Variants in KIF13B observed in about 807,000 individuals in gnomAD.
The protein encoded by KIF13B is kinesin family member 13B, also known as kinesin-like protein KIF13B.
A neutral mutation model predicts 222.0 loss-of-function variants in KIF13B; 127 were observed. That is an observed-to-expected ratio of 0.57 (90% confidence interval 0.50 to 0.66). The LOEUF is 0.66. Ranked by LOEUF, KIF13B falls within the 30% of genes least tolerant of loss-of-function variation. KIF13B has a pLI of 0.00. For synonymous variants in KIF13B, 976 were observed against 919.0 expected, an observed-to-expected ratio of 1.06 and a Z score of -1.12; for missense variants, 2,173 against 2,379.0, an observed-to-expected ratio of 0.91 and a Z score of 1.80.
intron 2 of KIF13B, among the ~76,000 whole-genome samples, chr8:29,198,602 C>T (rs944488943): frequency 1.3e-5 from 2 of 152,154 alleles, no homozygotes; most frequent in South Asian, 4.1e-4. Flanking sequence ...GGATTGCAGG[C>T]ATCAGCCACG....
intron 2 of KIF13B, among the ~76,000 whole-genome samples, chr8:29,231,716 A>C (rs541010940): frequency 1.3e-5 from 2 of 152,320 alleles, no homozygotes; most frequent in African/African-American, 4.8e-5. Flanking sequence ...TCACAGGTAA[A>C]ATTTATTTTT....
intron 1 of KIF13B, among the ~76,000 whole-genome samples, chr8:29,248,702 G>A (rs1816148989): frequency 6.6e-6 from 1 of 152,184 alleles, no homozygotes; most frequent in African/African-American, 2.4e-5. Context: ...GGATTTGGGT[G>A]GGGACACAGC....
At chr8:29,196,075 C>T in intron 3 of KIF13B, 112 bp downstream of exon 3, 2 of 958,884 alleles carry the variant, frequency 2.1e-6, no homozygotes. Flanking sequence ...GCTTGCATTA[C>T]TTGTACAAAA....
Position 29,190,969 on chromosome 8 carries a change from T to G in KIF13B, c.223+28A>C, listed in dbSNP as rs377717994. 8.9e-6 allele frequency: 14 copies of G among 1,569,108 alleles called. No homozygotes were observed. The African/African-American group carries it at 1.9e-4, about 21-fold the overall frequency. On this transcript the variant is annotated intron_variant, in intron 4 of 39. Transcript: ENST00000524189. ...CTGAACCCCTCTTCTACACCATCAG[T>G]AGTTGACAGGATGCTGGATTCTATT... is the stretch of plus-strand genomic sequence containing the variant.
intron 10 of KIF13B, among the ~76,000 whole-genome samples, chr8:29,168,940 A>G (rs569848638): frequency 2.7e-4 from 41 of 152,340 alleles, no homozygotes; most frequent in Admixed American, 1.2e-3. Flanking sequence ...GAGACAAATC[A>G]TCGAAGCAAA....
Position 29,071,651 on chromosome 8 carries a change from C to T in KIF13B, c.5187G>A (p.Thr1729=). Residue 1729 remains threonine, a synonymous_variant, in exon 39 of 40, where the codon ACG becomes ACA. Coordinates refer to ENST00000524189, the MANE Select transcript of KIF13B (RefSeq NM_015254.4). This position sits in a 1 kb window ranked among gnomAD's most constrained non-coding sequence, Gnocchi z 4.9. ...GCAGGTCGAGCTCCACGCCGACCCACGTGCCCTCTTGGAAGTCGGCAGGCC... is the reference window on the plus strand; with the variant it reads ...GCAGGTCGAGCTCCACGCCGACCCATGTGCCCTCTTGGAAGTCGGCAGGCC... ...YVGPADFQEG[T]WVGVELDLPS... The T allele has an allele frequency of 1.1e-5, 17 of 1,555,228 alleles. No homozygotes were observed. Among genetic ancestry groups the T allele is most frequent in the East Asian group, 4.9e-5 (2 of 41,078 alleles).
chr8:29,116,648 G>A (rs768648461), intron 31 of KIF13B, among the ~76,000 whole-genome samples, 183 bp downstream of exon 31: 2 of 152,172 alleles, frequency 1.3e-5, no homozygotes, highest in Non-Finnish European at 2.9e-5. Context: ...ATACTGTCCA[G>A]GAGCAAGTGA....
chr8:29,141,438 T>C (rs1325077137), intron 19 of KIF13B, among the ~76,000 whole-genome samples: 3 of 152,270 alleles, frequency 2.0e-5, no homozygotes, highest in Non-Finnish European at 2.9e-5. Context: ...GAGACAAACA[T>C]GTTTTAAGCA....
chr8:29,142,544 T>G (rs1048204700), intron 18 of KIF13B, among the ~76,000 whole-genome samples: 4 of 152,068 alleles, frequency 2.6e-5, no homozygotes, highest in African/African-American at 9.7e-5. Flanking sequence ...CATTAAAAAT[T>G]TTTTGGGGGG....
chr8:29,071,933 G>T lies in KIF13B; in HGVS notation c.4905C>A (p.Pro1635=). Residue 1635 remains proline (P), a synonymous_variant, in exon 39 of 40, where the codon CCC becomes CCA. Transcript: ENST00000524189. This position sits in a 1 kb window ranked among gnomAD's most constrained non-coding sequence, Gnocchi z 4.9. ...QQLVSPGRER[P]DLEAPAPGSP... ...AGCCGGGCGCCGGGGCCTCGAGGTCGGGGCGCTCCCGACCGGGGCTCACGA... is the reference window on the plus strand; with the variant it reads ...AGCCGGGCGCCGGGGCCTCGAGGTCTGGGCGCTCCCGACCGGGGCTCACGA... 7.1e-7 allele frequency: 1 copy of T among 1,410,266 alleles called. No individual in the cohort carries two copies. 87.4% of individuals were successfully genotyped at this position (1,410,266 alleles called of 1,614,324 possible). A position where few individuals can be genotyped will look rare whatever the true frequency, so the allele number is the denominator to read the frequency against.
intron 32 of KIF13B, among the ~76,000 whole-genome samples, chr8:29,111,845 A>G (rs921752289): frequency 1.2e-4 from 18 of 152,254 alleles, no homozygotes; most frequent in Non-Finnish European, 2.4e-4. Context: ...AGTAAACAGT[A>G]AGTCTCTAGC....
chr8:29,099,317 G>GA (rs1445527421), intron 35 of KIF13B, 76 bp from the exon 36 acceptor site: 84 of 943,554 alleles, frequency 8.9e-5, no homozygotes, highest in Middle Eastern at 2.2e-4. Context: ...AGATACTCAA[G>GA]AAAAAAAACT....
At chr8:29,162,635 A>G (rs974133154) in intron 12 of KIF13B, among the ~76,000 whole-genome samples, 2 of 152,246 alleles carry the variant, frequency 1.3e-5, no homozygotes, top group African/African-American at 2.4e-5. Flanking sequence ...TTGAGATTCT[A>G]TAATGGTAAA....
intron 37 of KIF13B, among the ~76,000 whole-genome samples, chr8:29,080,803 C>A (rs1288681574): frequency 6.6e-6 from 1 of 152,168 alleles, no homozygotes; most frequent in Non-Finnish European, 1.5e-5. Context: ...TGTGCCCCTG[C>A]CTGCCACATG....
chr8:29,075,247 G>C, intron 38 of KIF13B, 34 bp downstream of exon 38: 1 of 1,542,856 alleles, frequency 6.5e-7, no homozygotes, highest in Non-Finnish European at 8.8e-7. Context: ...GCTCGCTGTA[G>C]GTGGGGTGGC....
Position 29,099,180 on chromosome 8 carries a change from G to A in KIF13B, c.4277C>T (p.Ala1426Val), listed in dbSNP as rs1808676860. 1 of 1,613,530 alleles carries A rather than the reference G, an allele frequency of 6.2e-7. No homozygotes were observed. The highest frequency in any genetic ancestry group is 1.1e-5 in the South Asian group (1 of 91,076). The stretch of plus-strand genomic sequence containing the variant: ...TTGGGGAGAAACAGAGAGGGCGGGG[G>A]CAGGAGCTATTCCTCTGGAAACTGT... ...QTTVSRGIAP[A>V]PALSVSPQNN... The change falls in exon 36 of 40, where the codon GCC (alanine) becomes GTC (valine). Residue 1426 changes from alanine (A) to valine (V), a missense_variant. Physicochemically the swap from Ala to Val is moderately conservative, Grantham distance 64. Coordinates refer to ENST00000524189, the MANE Select transcript of KIF13B (RefSeq NM_015254.4).
chr8:29,115,925 AC>A (rs1490031069), intron 31 of KIF13B, among the ~76,000 whole-genome samples: 3 of 151,436 alleles, frequency 2.0e-5, no homozygotes, highest in African/African-American at 7.3e-5. Flanking sequence ...CACCACCCCG[AC>A]TCCCTGGGGC....
intron 6 of KIF13B, among the ~76,000 whole-genome samples, chr8:29,183,275 C>A (rs372843388): frequency 4.6e-5 from 7 of 151,234 alleles, no homozygotes; most frequent in African/African-American, 1.5e-4. Flanking sequence ...CCTCATCCTC[C>A]CGAATAGCTG....
chr8:29,198,511 T>C (rs1344279260), intron 2 of KIF13B, among the ~76,000 whole-genome samples: 1 of 152,020 alleles, frequency 6.6e-6, no homozygotes, highest in South Asian at 2.1e-4. Context: ...TTAGTAGAGA[T>C]GGGGTTTCAC....
Sources: gnomAD v4.1 joint callset for allele counts (sites outside exome capture counted in the v4.1 genomes callset) on GRCh38, gnomAD v4.1.1 for gene constraint, Gnocchi (gnomAD v3.1) non-coding constraint, MANE v1.5 for transcripts, NCBI Gene and HGNC (gene_info 2026-07-23, HGNC 2026-07-21) for gene names.